SDC2: variants seen among roughly 807,000 people sequenced by gnomAD.
SDC2 encodes the protein syndecan-2.
A neutral mutation model predicts 22.2 loss-of-function variants in SDC2; 13 were observed. The observed-to-expected ratio is 0.59, with a 90% CI of 0.38 to 0.93. SDC2 has a LOEUF of 0.93. SDC2 is among the 40% of genes least tolerant of loss of function. The pLI is 0.00. For missense variants in SDC2, 235 were observed against 246.8 expected, an observed-to-expected ratio of 0.95 and a Z score of 0.32; for synonymous variants, 94 against 92.8, an observed-to-expected ratio of 1.01 and a Z score of -0.07.
intron 1 of SDC2, among the ~76,000 whole-genome samples, chr8:96,530,891 T>G (rs1013681491): frequency 1.3e-5 from 2 of 152,218 alleles, no homozygotes; most frequent in African/African-American, 4.8e-5. Flanking sequence ...GGAGCTAAGA[T>G]GGACCTCAGG....
chr8:96,538,119 C>T (rs959070350), intron 1 of SDC2, among the ~76,000 whole-genome samples: 2 of 152,128 alleles, frequency 1.3e-5, no homozygotes, highest in African/African-American at 2.4e-5. Flanking sequence ...CACACCACCA[C>T]GCCCGGCTAA....
intron 1 of SDC2, among the ~76,000 whole-genome samples, chr8:96,533,623 T>C (rs1435754330): frequency 6.6e-6 from 1 of 151,036 alleles, no homozygotes; most frequent in Non-Finnish European, 1.5e-5. Context: ...AGAGTGCTGA[T>C]TGGGGCATTT....
chr8:96,533,858 C>G (rs1311590931), intron 1 of SDC2, among the ~76,000 whole-genome samples: 2 of 152,236 alleles, frequency 1.3e-5, no homozygotes, highest in African/African-American at 4.8e-5. Context: ...CTCCTCAGCC[C>G]TTGGGCAGTA....
At chr8:96,501,962 T>C (rs1379580638) in intron 1 of SDC2, among the ~76,000 whole-genome samples, 1 of 147,684 alleles carries the variant, frequency 6.8e-6, no homozygotes, top group Non-Finnish European at 1.5e-5. Context: ...GGTAACCTGT[T>C]ACCTTGAACT....
At chr8:96,576,818 C>T (rs373493957) in intron 1 of SDC2, among the ~76,000 whole-genome samples, 1 of 151,996 alleles carries the variant, frequency 6.6e-6, no homozygotes, top group Admixed American at 6.6e-5. Flanking sequence ...CAGCATTTAT[C>T]CCCTGGGAAA....
intron 1 of SDC2, among the ~76,000 whole-genome samples, chr8:96,569,074 A>G (rs1814347505): frequency 6.6e-6 from 1 of 152,164 alleles, no homozygotes. Flanking sequence ...CAGTGGCACA[A>G]TTATGGCTCA....
At chr8:96,530,659 A>C (rs1229307417) in intron 1 of SDC2, among the ~76,000 whole-genome samples, 2 of 152,168 alleles carry the variant, frequency 1.3e-5, no homozygotes, top group Non-Finnish European at 2.9e-5. Context: ...AAACAAAAAA[A>C]CCTGCTAAAA....
intron 1 of SDC2, among the ~76,000 whole-genome samples, chr8:96,564,332 G>A (rs1814260234): frequency 6.6e-6 from 1 of 152,228 alleles, no homozygotes; most frequent in Non-Finnish European, 1.5e-5. Flanking sequence ...AAAGGCACTT[G>A]ATTTGAGTAC....
intron 1 of SDC2, among the ~76,000 whole-genome samples, chr8:96,510,400 T>C (rs1485346482): frequency 6.6e-6 from 1 of 152,192 alleles, no homozygotes; most frequent in Non-Finnish European, 1.5e-5. Context: ...TGAGTTGTCT[T>C]TAGTTCATGC....
At chr8:96,547,997 G>A (rs926984366) in intron 1 of SDC2, among the ~76,000 whole-genome samples, 2 of 152,078 alleles carry the variant, frequency 1.3e-5, no homozygotes, top group African/African-American at 4.8e-5. Context: ...CCTGGGCTCA[G>A]GCCATCCTGC....
At chr8:96,563,908 C>T (rs928261620) in intron 1 of SDC2, among the ~76,000 whole-genome samples, 1 of 152,182 alleles carries the variant, frequency 6.6e-6, no homozygotes, top group Non-Finnish European at 1.5e-5. Context: ...GGTGAGGACA[C>T]TTACATATTT....
rs1815000654 is a variant in SDC2, at chr8:96,602,259, T to C, written c.173-136T>C. 3.6e-6 allele frequency: 3 copies of C among 844,006 alleles called. No individual in the cohort carries two copies. The Admixed American group carries it at 7.3e-5, about 20-fold the overall frequency. The allele number at this position is 844,006 out of a possible 1,614,324, so 52.3% of individuals were successfully genotyped here. ...TCATGGTGAAGACCACAGGAAGCTT[T>C]GTGCTGAAGTCTTAAAGAGCCAGCA... On this transcript the variant is annotated intron_variant, in intron 2 of 4. Coordinates refer to ENST00000302190, the MANE Select transcript of SDC2 (RefSeq NM_002998.4).
In SDC2 at chr8:96,610,720, A is replaced by T. The variant is rs17788084; in HGVS notation, c.*1172A>T. 22,648 of 152,552 alleles carry T rather than the reference A, an allele frequency of 0.15. 2,025 individuals are homozygous for T. The highest frequency in any genetic ancestry group is 0.2 in the Non-Finnish European group (13,435 of 67,968). 9.4% of individuals were successfully genotyped at this position (152,552 alleles called of 1,614,324 possible). A position where few individuals can be genotyped will look rare whatever the true frequency, so the allele number is the denominator to read the frequency against. The stretch of plus-strand genomic sequence containing the variant: ...TGCTAACGGCCGTCTGCTCTCAAGG[A>T]TGACGTGGGTTTGATTTCTAAGTGT... On this transcript the variant is annotated 3_prime_UTR_variant, in exon 5 of 5. Transcript: ENST00000302190.
intron 1 of SDC2, among the ~76,000 whole-genome samples, chr8:96,516,044 G>A (rs755248056): frequency 3.9e-5 from 6 of 152,232 alleles, no homozygotes; most frequent in Middle Eastern, 3.4e-3. Flanking sequence ...GCCGGTGTTC[G>A]AATCACCTTG....
rs371288144 is a variant in SDC2 at position 96,602,501 on chromosome 8, A to G, written c.279A>G (p.Ile93Met). The G allele has an allele frequency of 3.1e-6, 5 of 1,614,084 alleles. No homozygotes were observed. The highest frequency in any genetic ancestry group is 3.4e-6 in the Non-Finnish European group (4 of 1,180,020). ...AAGTGGAAACCACGACGCTGAATAT[A>G]CAGAACAAGATACCTGCTCAGACAA... ...APKVETTTLN[I>M]QNKIPAQTKS... The change falls in exon 3 of 5, where the codon ATA (isoleucine) becomes ATG (methionine). Residue 93 changes from isoleucine to methionine, a missense_variant. By Grantham distance (10) the Ile-to-Met change is conservative. Transcript: ENST00000302190.
At chr8:96,550,602 T>C (rs982583547) in intron 1 of SDC2, among the ~76,000 whole-genome samples, 1 of 152,188 alleles carries the variant, frequency 6.6e-6, no homozygotes, top group Non-Finnish European at 1.5e-5. Context: ...GTCCATTGAC[T>C]TGAGCTGGTT....
intron 1 of SDC2, among the ~76,000 whole-genome samples, chr8:96,592,477 C>T (rs1411469369): frequency 1.3e-5 from 2 of 152,110 alleles, no homozygotes; most frequent in East Asian, 1.9e-4. Context: ...TCCAAACAAG[C>T]GTTGTTTAAA....
chr8:96,533,171 A>C (rs1299564090), intron 1 of SDC2, among the ~76,000 whole-genome samples: 1 of 152,150 alleles, frequency 6.6e-6, no homozygotes, highest in African/African-American at 2.4e-5. Flanking sequence ...GGACCCAAAG[A>C]GTGAGCAGTA....
intron 1 of SDC2, among the ~76,000 whole-genome samples, chr8:96,534,411 G>A (rs934410393): frequency 6.6e-6 from 1 of 152,208 alleles, no homozygotes; most frequent in Non-Finnish European, 1.5e-5. Flanking sequence ...TGGCACATTT[G>A]AGACTGTTTC....
Sources: gnomAD v4.1 joint callset for allele counts (sites outside exome capture counted in the v4.1 genomes callset) on GRCh38, gnomAD v4.1.1 for gene constraint, MANE v1.5 for transcripts, NCBI Gene and HGNC (gene_info 2026-07-23, HGNC 2026-07-21) for gene names.